Variants in ZNF438 observed in about 807,000 individuals in gnomAD.
ZNF438 encodes the protein zinc finger protein 438.
In ZNF438, 25 loss-of-function variants were observed where a neutral mutation model predicts 38.0. The observed-to-expected ratio is 0.66, with a 90% CI of 0.48 to 0.92. ZNF438 has a LOEUF of 0.92. Among genes scored for constraint, ZNF438 ranks in the 40% least tolerant of loss-of-function variants. The probability of loss-of-function intolerance (pLI) is 0.00; values close to 1 mark genes in which losing one functional copy is unlikely to be tolerated. For missense variants in ZNF438, 1,007 were observed against 999.6 expected (o/e 1.01, Z -0.10); for synonymous variants, 372 against 364.1 (o/e 1.02, Z -0.25).
exon 5 of ZNF438, chr10:30,848,875 G>A (rs113661206): frequency 5.6e-6 from 9 of 1,614,122 alleles, no homozygotes; most frequent in African/African-American, 1.3e-5. Flanking sequence ...GGTTGCAGAC[G>A]TGACATCTGT....
chr10:30,945,523 G>C (rs541571993), intron 1 of ZNF438, among the ~76,000 whole-genome samples: 1 of 151,480 alleles, frequency 6.6e-6, no homozygotes, highest in South Asian at 2.1e-4. Context: ...TCTAGCATTA[G>C]GTATATCTCC....
chr10:30,932,321 A>G (rs2045785487), intron 2 of ZNF438, among the ~76,000 whole-genome samples: 1 of 152,164 alleles, frequency 6.6e-6, no homozygotes, highest in Non-Finnish European at 1.5e-5. Context: ...TCATAATGCT[A>G]TCTTAAATAA....
intron 2 of ZNF438, among the ~76,000 whole-genome samples, chr10:30,916,175 C>T (rs112603742): frequency 0.016 from 2,441 of 152,078 alleles, 59 homozygotes; most frequent in African/African-American, 0.055. Context: ...CCAAATAAGG[C>T]CACTAATGTC....
intron 3 of ZNF438, among the ~76,000 whole-genome samples, chr10:30,897,052 A>G (rs2041441108): frequency 6.6e-6 from 1 of 152,230 alleles, no homozygotes; most frequent in Non-Finnish European, 1.5e-5. Flanking sequence ...TTTACAAAGT[A>G]TACAATATTC....
chr10:30,944,864 T>C (rs1386086161), intron 1 of ZNF438, among the ~76,000 whole-genome samples: 2 of 152,232 alleles, frequency 1.3e-5, no homozygotes, highest in East Asian at 3.8e-4. Flanking sequence ...TCATCATATT[T>C]TCTTATCCCT....
At chr10:30,911,397 G>A (rs1009376958) in intron 2 of ZNF438, among the ~76,000 whole-genome samples, 4 of 152,086 alleles carry the variant, frequency 2.6e-5, no homozygotes, top group South Asian at 2.1e-4. Context: ...GTCAGAAGAC[G>A]CTTTCAATAA....
chr10:30,947,824 A>G (rs2047620048), intron 1 of ZNF438, among the ~76,000 whole-genome samples: 1 of 152,158 alleles, frequency 6.6e-6, no homozygotes, highest in Non-Finnish European at 1.5e-5. Context: ...TTGACTCGGA[A>G]AGGGAACTCC....
At chr10:30,905,794 A>C (rs1184003339) in intron 3 of ZNF438, among the ~76,000 whole-genome samples, 1 of 152,188 alleles carries the variant, frequency 6.6e-6, no homozygotes, top group African/African-American at 2.4e-5. Flanking sequence ...TTGTGTGAGG[A>C]TATCCACTTG....
chr10:30,923,933 A>C (rs1375021483), intron 2 of ZNF438, among the ~76,000 whole-genome samples: 1 of 152,210 alleles, frequency 6.6e-6, no homozygotes, highest in Non-Finnish European at 1.5e-5. Flanking sequence ...GAGAGAATTA[A>C]CATCTTTGCA....
chr10:30,989,692 G>A (rs970370339), intron 1 of ZNF438, among the ~76,000 whole-genome samples: 1 of 152,194 alleles, frequency 6.6e-6, no homozygotes, highest in Non-Finnish European at 1.5e-5. Flanking sequence ...TTGTGGTGTT[G>A]TCATTCTGAG....
In ZNF438 at chr10:30,916,525, TTTG is replaced by T. The variant is rs575902818; in HGVS notation, c.-114-7513_-114-7511del. On this transcript the variant is annotated intron_variant, in intron 2 of 5. Transcript: ENST00000413025. ...CATGCCTTCTCTCCAGCTATCCTTT[TTTG>T]TTGTTGTTGTTTTTGCTTTCCTTTA... Among the ~76,000 whole-genome samples the T allele has an allele frequency of 1.4e-3, 214 of 152,172 alleles. 1 individual carries two copies. The highest frequency in any genetic ancestry group is 8.3e-4 in the South Asian group (4 of 4,822).
chr10:30,935,734 A>G lies in ZNF438; in HGVS notation c.-115+5841T>C, dbSNP rs190555724. ...CTGGAGAGGCCTCAGGAAACTTACA[A>G]TCATGGCAAAAGGAAGCAGGCACGT... is the stretch of plus-strand genomic sequence containing the variant. On this transcript the variant is annotated intron_variant, in intron 2 of 5. Coordinates refer to ENST00000413025, the Ensembl canonical transcript of ZNF438. Among the ~76,000 whole-genome samples the G allele has an allele frequency of 2.6e-5, 4 of 152,330 alleles. No individual in the cohort carries two copies. The East Asian group carries it at 7.7e-4, about 29-fold the overall frequency.
rs114194804 is a variant in ZNF438 at position 30,864,253 on chromosome 10, G to C, written c.37+12745C>G. ...TCTAAATATACAATGCTCAAATCCTGATATATTAAAATGTACAAAAAGGTG... is the reference window on the plus strand; with the variant it reads ...TCTAAATATACAATGCTCAAATCCTCATATATTAAAATGTACAAAAAGGTG... On this transcript the variant is annotated intron_variant, in intron 4 of 5. Transcript: ENST00000413025. 6.2e-3 allele frequency among the ~76,000 whole-genome samples: 946 copies of C among 152,274 alleles called. 20 individuals carry two copies. The highest frequency in any genetic ancestry group is 0.021 in the African/African-American group (886 of 41,542).
chr10:31,015,036 CT>C (rs1232877299), intron 1 of ZNF438, among the ~76,000 whole-genome samples: 2 of 152,078 alleles, frequency 1.3e-5, no homozygotes, highest in Non-Finnish European at 2.9e-5. Flanking sequence ...TAAAAGAAAA[CT>C]TTTTTTGTAG....
At chr10:30,860,891 C>A (rs2035467036) in intron 4 of ZNF438, among the ~76,000 whole-genome samples, 1 of 152,126 alleles carries the variant, frequency 6.6e-6, no homozygotes, top group Non-Finnish European at 1.5e-5. Flanking sequence ...AAGTACAGAT[C>A]TCAGTGGCCC....
intron 3 of ZNF438, among the ~76,000 whole-genome samples, chr10:30,881,082 G>A (rs1293047206): frequency 6.6e-6 from 1 of 152,156 alleles, no homozygotes. Flanking sequence ...ACAAACAAGA[G>A]AAGGATATCT....
intron 3 of ZNF438, among the ~76,000 whole-genome samples, chr10:30,901,299 T>C (rs2041948776): frequency 6.6e-6 from 1 of 152,254 alleles, no homozygotes; most frequent in South Asian, 2.1e-4. Flanking sequence ...CAGTGTAGCA[T>C]TAAGTTGCCA....
chr10:30,845,625 G>A (rs1268908349), intron 5 of ZNF438, 52 bp from the exon 7 acceptor site: 1 of 1,559,564 alleles, frequency 6.4e-7, no homozygotes, highest in Non-Finnish European at 8.6e-7. Flanking sequence ...AATGCAATTG[G>A]AATCTTTCCT....
At chr10:30,949,944 AT>A (rs1015276760) in intron 1 of ZNF438, among the ~76,000 whole-genome samples, 38 of 152,154 alleles carry the variant, frequency 2.5e-4, no homozygotes, top group African/African-American at 7.2e-4. Flanking sequence ...CAGAATATAC[AT>A]TTTTTTTCAG....
Sources: gnomAD v4.1 joint callset for allele counts (sites outside exome capture counted in the v4.1 genomes callset) on GRCh38, gnomAD v4.1.1 for gene constraint, MANE v1.5 for transcripts, NCBI Gene and HGNC (gene_info 2026-07-23, HGNC 2026-07-21) for gene names.